The following FHIT variants were observed in gnomAD, a reference collection of about 807,000 sequenced individuals.
FHIT encodes the protein bis(5'-adenosyl)-triphosphatase.
Under a neutral mutation model 17.9 loss-of-function variants are expected in FHIT, and 19 were observed. The ratio of observed to expected loss-of-function variants is 1.06; its 90% CI spans 0.74 to 1.56. The LOEUF (loss-of-function observed/expected upper bound fraction) is 1.56. Ranked by LOEUF, FHIT falls within the 40% of genes most tolerant of loss-of-function variation. The pLI is 0.00. For missense variants in FHIT, 248 were observed against 189.2 expected, an observed-to-expected ratio of 1.31 and a Z score of -1.82; for synonymous variants, 81 against 69.7, an observed-to-expected ratio of 1.16 and a Z score of -0.81.
intron 5 of FHIT, among the ~76,000 whole-genome samples, chr3:60,072,049 T>C (rs1044187246): frequency 1.3e-5 from 2 of 151,552 alleles, no homozygotes; most frequent in African/African-American, 4.9e-5. Flanking sequence ...TTGTCTTTAC[T>C]AACAGAGTGA....
intron 5 of FHIT, among the ~76,000 whole-genome samples, chr3:60,041,337 C>T (rs1701431552): frequency 6.6e-6 from 1 of 152,162 alleles, no homozygotes; most frequent in South Asian, 2.1e-4. Context: ...CTTCATCCTC[C>T]TTTTAGTTTG....
chr3:60,512,206 T>G (rs915494510), intron 5 of FHIT, among the ~76,000 whole-genome samples: 7 of 152,172 alleles, frequency 4.6e-5, no homozygotes, highest in African/African-American at 1.4e-4. Context: ...AGGAAAAGAT[T>G]GACTGATATG....
intron 4 of FHIT, among the ~76,000 whole-genome samples, chr3:60,653,426 A>G (rs2040042840): frequency 6.6e-6 from 1 of 152,118 alleles, no homozygotes; most frequent in Non-Finnish European, 1.5e-5. Flanking sequence ...TACAGAAGTA[A>G]GTGAGAAAAA....
chr3:59,927,047 A>G (rs555423227), intron 7 of FHIT, among the ~76,000 whole-genome samples: 29 of 152,236 alleles, frequency 1.9e-4, no homozygotes, highest in Non-Finnish European at 4.1e-4. Context: ...ATTATTCACA[A>G]TCACCAAAAA....
chr3:60,107,172 T>G (rs1293889962), intron 5 of FHIT, among the ~76,000 whole-genome samples: 2 of 33,572 alleles, frequency 6.0e-5, no homozygotes, highest in South Asian at 2.1e-3. Context: ...TTTTTTTTTT[T>G]GTACACAAAG....
intron 3 of FHIT, among the ~76,000 whole-genome samples, chr3:60,912,602 T>G (rs910491124): frequency 7.9e-5 from 12 of 152,218 alleles, no homozygotes; most frequent in Non-Finnish European, 1.5e-4. Flanking sequence ...GGATATAGAT[T>G]TATAAAGGTG....
chr3:60,725,895 T>C (rs1553709406), intron 4 of FHIT, among the ~76,000 whole-genome samples: 1 of 152,154 alleles, frequency 6.6e-6, no homozygotes, highest in African/African-American at 2.4e-5. Context: ...AGAATCATTA[T>C]CTTCATTTTA....
Position 60,282,078 on chromosome 3 carries a change from G to C in FHIT, c.103+254782C>G, listed in dbSNP as rs557818723. Among the ~76,000 whole-genome samples, 24 of 152,254 alleles carry C rather than the reference G, an allele frequency of 1.6e-4. No individual in the cohort carries two copies. The East Asian group carries it at 3.1e-3, about 20-fold the overall frequency. ...GTGGAAATAATGGTAAAATGGTATA[G>C]CCACTTTGGACTACAGTTTTACAGT... On this transcript the variant is annotated intron_variant, in intron 5 of 9. Transcript: ENST00000492590.
chr3:59,904,572 C>A (rs184930542), intron 8 of FHIT, among the ~76,000 whole-genome samples: 1 of 152,170 alleles, frequency 6.6e-6, no homozygotes, highest in Non-Finnish European at 1.5e-5. Context: ...GAACCCCTGG[C>A]CAGTGATGCC....
chr3:60,033,494 CA>C (rs80146755), intron 5 of FHIT, among the ~76,000 whole-genome samples: 27 of 128,030 alleles, frequency 2.1e-4, no homozygotes, highest in South Asian at 5.1e-4. Context: ...AACTCCATCC[CA>C]AAAAAAAAAG....
chr3:60,472,134 T>C (rs2033118559), intron 5 of FHIT, among the ~76,000 whole-genome samples: 1 of 146,550 alleles, frequency 6.8e-6, no homozygotes, highest in South Asian at 2.3e-4. Context: ...ACTGCACTAG[T>C]AGCTCTCAGT....
intron 5 of FHIT, among the ~76,000 whole-genome samples, chr3:60,207,934 T>C (rs1703276853): frequency 6.6e-6 from 1 of 152,176 alleles, no homozygotes; most frequent in African/African-American, 2.4e-5. Context: ...CTAGATTAAA[T>C]TTTACAGCTC....
intron 2 of FHIT, among the ~76,000 whole-genome samples, chr3:61,133,623 T>C (rs1036168459): frequency 6.6e-6 from 1 of 151,914 alleles, no homozygotes; most frequent in Non-Finnish European, 1.5e-5. Flanking sequence ...GAGAGGAGAG[T>C]CACTGCTTTA....
chr3:60,940,058 A>G (rs577184957), intron 3 of FHIT, among the ~76,000 whole-genome samples: 1 of 152,282 alleles, frequency 6.6e-6, no homozygotes, highest in South Asian at 2.1e-4. Context: ...ACCATATGCT[A>G]AAAAACCATC....
At chr3:59,991,266 C>T (rs1300495244) in intron 7 of FHIT, among the ~76,000 whole-genome samples, 1 of 152,078 alleles carries the variant, frequency 6.6e-6, no homozygotes, top group Non-Finnish European at 1.5e-5. Flanking sequence ...TAAATTTACA[C>T]AGTAAACCCA....
intron 3 of FHIT, among the ~76,000 whole-genome samples, chr3:60,947,383 C>G (rs1292006469): frequency 2.6e-5 from 4 of 152,146 alleles, no homozygotes; most frequent in Non-Finnish European, 5.9e-5. Context: ...TTTCTAAGAT[C>G]TAAGTGTCCC....
At chr3:60,237,315 G>A in intron 5 of FHIT, among the ~76,000 whole-genome samples, 1 of 116,808 alleles carries the variant, frequency 8.6e-6, no homozygotes, top group Non-Finnish European at 1.7e-5. Flanking sequence ...TTTCCTACAT[G>A]ACCTAAACCA....
chr3:60,481,637 T>G (rs2033614650), intron 5 of FHIT, among the ~76,000 whole-genome samples: 1 of 152,140 alleles, frequency 6.6e-6, no homozygotes, highest in South Asian at 2.1e-4. Flanking sequence ...AGGGATTTCA[T>G]CACCACCAGG....
At chr3:60,758,847 A>G (rs1201089844) in intron 4 of FHIT, among the ~76,000 whole-genome samples, 1 of 152,194 alleles carries the variant, frequency 6.6e-6, no homozygotes, top group African/African-American at 2.4e-5. Flanking sequence ...TTATGTGCTT[A>G]TAAGAAATGG....
Sources: gnomAD v4.1 joint callset for allele counts (sites outside exome capture counted in the v4.1 genomes callset) on GRCh38, gnomAD v4.1.1 for gene constraint, MANE v1.5 for transcripts, NCBI Gene and HGNC (gene_info 2026-07-23, HGNC 2026-07-21) for gene names.